Variants in COL11A1 observed in about 807,000 individuals in gnomAD.
COL11A1 encodes the protein collagen type XI alpha 1 chain.
COL11A1 carries 74 observed loss-of-function variants against 265.2 expected under a neutral mutation model. The observed-to-expected ratio is 0.28, with a 90% confidence interval of 0.23 to 0.34. The LOEUF (loss-of-function observed/expected upper bound fraction) is 0.34. Among genes scored for constraint, COL11A1 ranks in the 10% least tolerant of loss-of-function variants. COL11A1 has a pLI of 1.00. For missense variants in COL11A1, 2,165 were observed against 2,263.6 expected (o/e 0.96, Z 0.88); for synonymous variants, 816 against 727.6 (o/e 1.12, Z -1.96).
Position 103,008,641 on chromosome 1 carries a change from TATTA to T in COL11A1, c.1630-129_1630-126del, listed in dbSNP as rs1411299798. On this transcript the variant is annotated intron_variant, in intron 14 of 66. Coordinates refer to ENST00000370096, the MANE Select transcript of COL11A1 (RefSeq NM_001854.4). Reference sequence around the variant, plus strand: ...ATATTTAATCATATTAGCATTAACTTATTAATTAACACAGTAAAATTTTCCAGCA... The same window carrying T: ...ATATTTAATCATATTAGCATTAACTTATTAACACAGTAAAATTTTCCAGCA... 2.4e-4 allele frequency: 210 copies of T among 869,588 alleles called. 3 individuals are homozygous for T. The highest frequency in any genetic ancestry group is 1.5e-3 in the Middle Eastern group (5 of 3,364). The allele number at this position is 869,588 out of a possible 1,614,324, so 53.9% of individuals were successfully genotyped here. A position where few individuals can be genotyped will look rare whatever the true frequency, so the allele number is the denominator to read the frequency against.
chr1:103,037,733 A>G (rs904796476), intron 4 of COL11A1, among the ~76,000 whole-genome samples: 9 of 152,218 alleles, frequency 5.9e-5, no homozygotes, highest in African/African-American at 1.7e-4. Flanking sequence ...AAGGCTTTCA[A>G]TTCTACTCTG....
rs1663917026 is a variant in COL11A1 at position 102,989,538 on chromosome 1, T to C, written c.2374A>G (p.Met792Val). ...EDGFPGFKGD[M>V]GLKGDRGEVG... ...CTTACTCTGTCACCTTTTAGACCCA[T>C]GTCACCTTTGAATCCTGGAAAACCA... The change falls in exon 29 of 67, where the codon ATG becomes GTG. Residue 792 changes from methionine to valine, a missense_variant. Transcript: ENST00000370096. The C allele has an allele frequency of 6.2e-7, 1 of 1,611,170 alleles. No individual in the cohort carries two copies.
At chr1:103,097,196 A>G (rs967324147) in intron 1 of COL11A1, among the ~76,000 whole-genome samples, 7 of 151,962 alleles carry the variant, frequency 4.6e-5, no homozygotes, top group African/African-American at 1.7e-4. Flanking sequence ...GTTTCCTTGT[A>G]CTTTTTAATT....
chr1:102,886,041 T>A (rs1167196849), intron 63 of COL11A1, among the ~76,000 whole-genome samples: 1 of 152,120 alleles, frequency 6.6e-6, no homozygotes, highest in Non-Finnish European at 1.5e-5. Context: ...TGATTGGTAG[T>A]GCAAAACAAT....
At chr1:103,067,243 C>A (rs1671230059) in intron 4 of COL11A1, among the ~76,000 whole-genome samples, 7 of 151,804 alleles carry the variant, frequency 4.6e-5, no homozygotes, top group Admixed American at 4.6e-4. Flanking sequence ...ACATGTTAGA[C>A]CATATATCAA....
At chr1:102,988,963 G>A (rs1156480574) in intron 29 of COL11A1, among the ~76,000 whole-genome samples, 1 of 152,028 alleles carries the variant, frequency 6.6e-6, no homozygotes, top group Non-Finnish European at 1.5e-5. Context: ...TTAGGTACTA[G>A]TATATTACTT....
rs557000127 is a variant in COL11A1, at chr1:103,078,663, G to A, written c.483C>T (p.Asp161=). The change falls in exon 3 of 67, where the codon GAC becomes GAT. Residue 161 remains aspartate, a synonymous_variant. Transcript: ENST00000370096. ...TGTATTATTTTGTTACTTACTTCCC[G>A]TCAGCGATGTTAACAGTTCTGAAGA... ...YPLFRTVNIA[D]GKWHRVAISV... 43 of 1,612,702 alleles carry A rather than the reference G, an allele frequency of 2.7e-5. 1 individual carries two copies. The highest frequency in any genetic ancestry group is 1.7e-4 in the Middle Eastern group (1 of 6,052).
chr1:102,932,862 C>A (rs1257960576), intron 46 of COL11A1, among the ~76,000 whole-genome samples: 1 of 151,744 alleles, frequency 6.6e-6, no homozygotes, highest in Non-Finnish European at 1.5e-5. Flanking sequence ...TCGCTGATAC[C>A]CTTTCTTCCA....
At chr1:103,052,026 C>T (rs1436101152) in intron 4 of COL11A1, among the ~76,000 whole-genome samples, 1 of 152,062 alleles carries the variant, frequency 6.6e-6, no homozygotes, top group African/African-American at 2.4e-5. Context: ...GTGCTAAAGG[C>T]CAAAAATATT....
rs1655991545 is a variant in COL11A1, at chr1:102,921,539, A to C, written c.3687T>G (p.Pro1229=). 6.8e-6 allele frequency: 11 copies of C among 1,613,478 alleles called. No individual in the cohort carries two copies. The highest frequency in any genetic ancestry group is 9.3e-6 in the Non-Finnish European group (11 of 1,179,594). ...TTACATCAGCTCCATTGGGACCTTG[A>C]GGGCCTCTTGGGCCTGGAGGACCAG... is the stretch of plus-strand genomic sequence containing the variant. The part of the protein sequence containing the change: ...GPPGPPGPRG[P]QGPNGADGPQ... Residue 1229 remains proline (P), a synonymous_variant, in exon 48 of 67, where the codon CCT becomes CCG. Coordinates refer to ENST00000370096, the MANE Select transcript of COL11A1 (RefSeq NM_001854.4).
chr1:103,082,964 C>G lies in COL11A1; in HGVS notation c.115G>C (p.Val39Leu). The change falls in exon 2 of 67, where the codon GTT becomes CTT. Residue 39 changes from valine (V) to leucine (L), a missense_variant. Transcript: ENST00000370096. ...AAATCTAGTGCTTTTAGTACATCAA[C>G]TGGAGCAGCTGAAAAATAAGCAAAC... ...QAREVRGAAP[V>L]DVLKALDFHN... 6.2e-7 allele frequency: 1 copy of G among 1,612,726 alleles called. No individual in the cohort carries two copies. Among genetic ancestry groups the G allele is most frequent in the Non-Finnish European group, 8.5e-7 (1 of 1,179,332 alleles).
At chr1:103,051,416 T>C (rs1558000499) in intron 4 of COL11A1, among the ~76,000 whole-genome samples, 1 of 152,198 alleles carries the variant, frequency 6.6e-6, no homozygotes, top group African/African-American at 2.4e-5. Context: ...GTGCGGGATA[T>C]AATCTCCTGG....
chr1:103,021,847 T>C, intron 8 of COL11A1, 78 bp from the exon 9 acceptor site: 1 of 1,119,218 alleles, frequency 8.9e-7, no homozygotes, highest in Admixed American at 1.8e-5. Flanking sequence ...TCTTTTTTTT[T>C]TTCTTTCTTT....
At position 103,069,106 on chromosome 1, in the gene COL11A1, TACA is replaced by T. The variant is rs536214612; in HGVS notation, c.651+5509_651+5511del. Among the ~76,000 whole-genome samples the T allele has an allele frequency of 9.9e-5, 15 of 151,900 alleles. No homozygotes were observed. The South Asian group carries it at 3.1e-3, about 31-fold the overall frequency. The stretch of plus-strand genomic sequence containing the variant: ...AGAAATGAAAATGACCCAAAATTGC[TACA>T]ACAATGTTTTACAAAGAATAAAAAG... On this transcript the variant is annotated intron_variant, in intron 4 of 66. Transcript: ENST00000370096.
chr1:103,045,872 T>A (rs905777217), intron 4 of COL11A1, among the ~76,000 whole-genome samples: 2 of 151,222 alleles, frequency 1.3e-5, no homozygotes, highest in Admixed American at 1.3e-4. Flanking sequence ...CAGTGTTTGG[T>A]TTTTTGTCCT....
chr1:102,957,347 A>C (rs1396421375), intron 41 of COL11A1, among the ~76,000 whole-genome samples: 1 of 152,106 alleles, frequency 6.6e-6, no homozygotes, highest in Non-Finnish European at 1.5e-5. Flanking sequence ...GGACACATAC[A>C]AACTTTGCAA....
intron 1 of COL11A1, among the ~76,000 whole-genome samples, chr1:103,089,919 T>G (rs1463358149): frequency 6.6e-6 from 1 of 151,502 alleles, no homozygotes; most frequent in Non-Finnish European, 1.5e-5. Context: ...AGGTCAGGAG[T>G]TCAAGTCCAG....
rs1365344691 is a variant in COL11A1, at chr1:102,978,845, A to G, written c.2709+15T>C. 6.2e-7 allele frequency: 1 copy of G among 1,614,038 alleles called. No individual in the cohort carries two copies. Among genetic ancestry groups the G allele is most frequent in the Admixed American group, 1.7e-5 (1 of 59,996 alleles). ...ATCTACAGTAACATCCAAACAGAAA[A>G]AGTACAGGTGATACCTTTGGCCCAG... On this transcript the variant is annotated intron_variant, in intron 34 of 66. Transcript: ENST00000370096.
At chr1:103,086,455 T>A (rs558744844) in intron 1 of COL11A1, among the ~76,000 whole-genome samples, 1 of 152,168 alleles carries the variant, frequency 6.6e-6, no homozygotes, top group Non-Finnish European at 1.5e-5. Flanking sequence ...CTTGCTCTGT[T>A]GCCCAGGCTG....
Sources: allele counts gnomAD v4.1 joint callset (sites outside exome capture counted in the v4.1 genomes callset), GRCh38; gene constraint gnomAD v4.1.1; transcripts MANE v1.5; gene names NCBI Gene and HGNC (gene_info 2026-07-23, HGNC 2026-07-21).